ZNF362: variants seen among roughly 807,000 people sequenced by gnomAD.
The protein encoded by ZNF362 is rotund homolog.
In ZNF362, 11 loss-of-function variants were observed where a neutral mutation model predicts 42.9. The ratio of observed to expected loss-of-function variants is 0.26; its 90% CI spans 0.16 to 0.42. The LOEUF (loss-of-function observed/expected upper bound fraction) is 0.42. Among genes scored for constraint, ZNF362 ranks in the 20% least tolerant of loss-of-function variants. The pLI is 1.00. For missense variants in ZNF362, 362 were observed against 576.2 expected (o/e 0.63, Z 3.81); for synonymous variants, 255 against 257.3 (o/e 0.99, Z 0.09).
intron 2 of ZNF362, 73 bp downstream of exon 2, chr1:33,270,685 T>C: frequency 6.3e-7 from 1 of 1,579,836 alleles, no homozygotes; most frequent in Admixed American, 1.8e-5. Context: ...AGCATTGTGT[T>C]CGTCCCACCT....
the ZNF362 span, among the ~76,000 whole-genome samples, chr1:33,189,709 G>GTGTATATATATATATA: frequency 1.4e-3 from 18 of 12,448 alleles, 1 homozygote; most frequent in East Asian, 5.7e-3. Context: ...ACATATATAC[G>GTGTATATATATATATA]TATATATATA....
chr1:33,295,262 C>T lies in ZNF362; in HGVS notation c.1103C>T (p.Ala368Val). 1 of 1,614,238 alleles carries T rather than the reference C, an allele frequency of 6.2e-7. No individual in the cohort carries two copies. The change falls in exon 8 of 9, where the codon GCC becomes GTC. Residue 368 changes from alanine to valine, a missense_variant. Physicochemically the swap from Ala to Val is moderately conservative, Grantham distance 64. This residue lies in a region of ZNF362 where 68 missense variants were observed against 107.4 expected (regional missense o/e 0.63). Coordinates refer to ENST00000539719, the MANE Select transcript of ZNF362 (RefSeq NM_152493.3). ...CTCTCGGCCCACGCCATCAAGCACG[C>T]CAAGGCCTACTGCTGCAGCATGTGT... ...IHLSAHAIKH[A>V]KAYCCSMCGR... is the part of the protein sequence containing the mutation.
At chr1:33,146,689 A>C in the ZNF362 span, 1 of 173,026 alleles carries the variant, frequency 5.8e-6, no homozygotes. Flanking sequence ...AGGACCAGGT[A>C]CTACCTGTGA....
In ZNF362 at chr1:33,276,161, C is replaced by G. The variant is rs1009231969; in HGVS notation, c.100C>G (p.Gln34Glu). The G allele has an allele frequency of 6.2e-7, 1 of 1,613,656 alleles. No individual in the cohort carries two copies. Among genetic ancestry groups the G allele is most frequent in the African/African-American group, 1.3e-5 (1 of 75,070 alleles). ...FWPPPPTMPSQLDNLVLINKI... is the reference protein window; with the variant it reads ...FWPPPPTMPSELDNLVLINKI... The stretch of plus-strand genomic sequence containing the variant: ...GCCCCCTCCTCCCACCATGCCCAGC[C>G]AGGTAAGACTGACGTCGCCCCTCCG... The change falls in exon 3 of 9, where the codon CAG becomes GAG. Residue 34 changes from glutamine to glutamate, a missense_variant and splice_region_variant. Physicochemically the swap from Gln to Glu is conservative, Grantham distance 29. This residue lies in a region of ZNF362 where 266 missense variants were observed against 365.4 expected (regional missense o/e 0.73). Coordinates refer to ENST00000539719, the MANE Select transcript of ZNF362 (RefSeq NM_152493.3).
At chr1:33,270,718 C>T in intron 2 of ZNF362, 106 bp downstream of exon 2, 1 of 1,537,886 alleles carries the variant, frequency 6.5e-7, no homozygotes, top group East Asian at 2.3e-5. Flanking sequence ...CCCGCTGCTA[C>T]CCTCTGGGTC....
chr1:33,175,001 G>A, the ZNF362 span, among the ~76,000 whole-genome samples: 165 of 135,664 alleles, frequency 1.2e-3, 2 homozygotes, highest in Non-Finnish European at 2.2e-3. Flanking sequence ...ACACACACAT[G>A]TATGTATATG....
At chr1:33,147,859 A>AAGT in the ZNF362 span, 1 of 998,120 alleles carries the variant, frequency 1.0e-6, no homozygotes, top group East Asian at 2.6e-5. This position sits in a 1 kb window ranked among gnomAD's most constrained non-coding sequence, Gnocchi z 8.1. Flanking sequence ...CCTTGAATAC[A>AAGT]AGTCTGCCCT....
the ZNF362 span, among the ~76,000 whole-genome samples, chr1:33,190,147 A>C: frequency 1.3e-5 from 2 of 152,126 alleles, no homozygotes; most frequent in African/African-American, 2.4e-5. Flanking sequence ...GTGATTTTCC[A>C]CTGTGATGGC....
intron 6 of ZNF362, among the ~76,000 whole-genome samples, chr1:33,284,610 C>T (rs1646019101): frequency 6.6e-6 from 1 of 151,932 alleles, no homozygotes; most frequent in Non-Finnish European, 1.5e-5. Flanking sequence ...TTTATAGTCC[C>T]CCTCCCACCC....
chr1:33,208,697 G>T, the ZNF362 span, among the ~76,000 whole-genome samples: 1 of 152,106 alleles, frequency 6.6e-6, no homozygotes, highest in South Asian at 2.1e-4. Flanking sequence ...TAGTAATTGT[G>T]AATAGGAGTT....
rs937875840 is a variant in ZNF362 at position 33,269,742 on chromosome 1, G to A, written c.-88-745G>A. Among the ~76,000 whole-genome samples the A allele has an allele frequency of 5.3e-5, 8 of 152,324 alleles. No individual in the cohort carries two copies. The South Asian group carries it at 1.5e-3, about 28-fold the overall frequency. ...TAATGTCTGTGGGTTGGGCTGGGGC[G>A]GGGGTTGGGGGATGGCCGTAAGTTG... On this transcript the variant is annotated intron_variant, in intron 1 of 8. Coordinates refer to ENST00000539719, the MANE Select transcript of ZNF362 (RefSeq NM_152493.3).
chr1:33,198,822 A>G, the ZNF362 span, among the ~76,000 whole-genome samples: 1 of 152,238 alleles, frequency 6.6e-6, no homozygotes, highest in Non-Finnish European at 1.5e-5. Flanking sequence ...TGTTAAACAG[A>G]ATAATAGAAG....
intron 1 of ZNF362, among the ~76,000 whole-genome samples, chr1:33,263,358 G>T (rs1198664423): frequency 6.6e-6 from 1 of 152,086 alleles, no homozygotes; most frequent in East Asian, 1.9e-4. Flanking sequence ...ATGTATATAG[G>T]TCCCTGCCCT....
At chr1:33,279,646 C>CTTTTTTTTTTTT (rs567406398) in intron 4 of ZNF362, among the ~76,000 whole-genome samples, 3 of 147,344 alleles carry the variant, frequency 2.0e-5, no homozygotes, top group Non-Finnish European at 3.0e-5. Context: ...AGTTAAGCCT[C>CTTTTTTTTTTTT]TTTTTTTTTT....
intron 8 of ZNF362, among the ~76,000 whole-genome samples, chr1:33,298,572 T>G (rs776627846): frequency 1.3e-5 from 2 of 152,222 alleles, no homozygotes; most frequent in Non-Finnish European, 2.9e-5. Context: ...TCCTGCTGCC[T>G]CACTGTCACT....
At chr1:33,176,996 C>G in the ZNF362 span, among the ~76,000 whole-genome samples, 1 of 152,250 alleles carries the variant, frequency 6.6e-6, no homozygotes, top group East Asian at 1.9e-4. Context: ...TCCAGGTACT[C>G]AGCAGTGGAG....
chr1:33,193,004 C>T, the ZNF362 span, among the ~76,000 whole-genome samples: 23 of 137,292 alleles, frequency 1.7e-4, no homozygotes, highest in African/African-American at 1.3e-4. Flanking sequence ...CACACACACA[C>T]ATATATATAT....
At position 33,294,148 on chromosome 1, in the gene ZNF362, C is replaced by T. The variant is rs775091507; in HGVS notation, c.909-789C>T. Among the ~76,000 whole-genome samples, 1 of 152,168 alleles carries T rather than the reference C, an allele frequency of 6.6e-6. No homozygotes were observed. Among genetic ancestry groups the T allele is most frequent in the Non-Finnish European group, 1.5e-5 (1 of 68,034 alleles). ...CAATGTAATGAATGTGAATGAATAACGATAACTGGCAAACGTTGAGTGCTT... is the reference window on the plus strand; with the variant it reads ...CAATGTAATGAATGTGAATGAATAATGATAACTGGCAAACGTTGAGTGCTT... On this transcript the variant is annotated intron_variant, in intron 6 of 8. Transcript: ENST00000539719. This position sits in a 1 kb window ranked among gnomAD's most constrained non-coding sequence, Gnocchi z 4.2.
chr1:33,146,014 G>A, the ZNF362 span: 1,553 of 425,188 alleles, frequency 3.7e-3, 9 homozygotes, highest in Admixed American at 7.5e-3. Context: ...GGCACGGACC[G>A]TGGCAGAGGG....
Sources: gnomAD v4.1 joint callset for allele counts (sites outside exome capture counted in the v4.1 genomes callset) on GRCh38, gnomAD v4.1.1 for gene constraint, gnomAD v4.1.1 regional missense constraint, Gnocchi (gnomAD v3.1) non-coding constraint, MANE v1.5 for transcripts, NCBI Gene and HGNC (gene_info 2026-07-23, HGNC 2026-07-21) for gene names.